Variants in DACH2 observed in about 807,000 individuals in gnomAD.
DACH2 encodes the protein dachshund family transcription factor 2.
DACH2 carries 17 observed loss-of-function variants against 35.8 expected under a neutral mutation model. The observed-to-expected ratio is 0.48, with a 90% confidence interval of 0.33 to 0.71. The LOEUF (loss-of-function observed/expected upper bound fraction) is 0.71, where lower values mean the gene tolerates loss of function less well. DACH2 is among the 30% of genes least tolerant of loss of function. DACH2 has a pLI of 0.02. For synonymous variants in DACH2, 195 were observed against 177.3 expected, an observed-to-expected ratio of 1.10 and a Z score of -0.79; for missense variants, 469 against 472.7, an observed-to-expected ratio of 0.99 and a Z score of 0.07.
intron 11 of DACH2, among the ~76,000 whole-genome samples, chrX:86,817,898 CT>C (rs1437461803): frequency 2.8e-4 from 31 of 111,921 alleles, no homozygotes; most frequent in Non-Finnish European, 1.9e-4. Context: ...ATTGTGCATA[CT>C]TTTAATAAGT....
intron 7 of DACH2, among the ~76,000 whole-genome samples, chrX:86,760,513 A>G (rs946629053): frequency 9.0e-6 from 1 of 111,239 alleles, no homozygotes; most frequent in South Asian, 3.7e-4. Context: ...TGTGTTTTCT[A>G]TTTCATTCAA....
At chrX:86,648,603 T>C (rs1355137213) in intron 3 of DACH2, among the ~76,000 whole-genome samples, 4 of 110,825 alleles carry the variant, frequency 3.6e-5, no homozygotes, top group Non-Finnish European at 7.6e-5. Flanking sequence ...TCAGGTGCTG[T>C]ACTGAAGACT....
At chrX:86,576,508 C>T (rs2039437468) in intron 3 of DACH2, among the ~76,000 whole-genome samples, 1 of 111,435 alleles carries the variant, frequency 9.0e-6, no homozygotes, top group Admixed American at 9.7e-5. Flanking sequence ...AGTTTTACTG[C>T]AAACGATTAT....
intron 7 of DACH2, among the ~76,000 whole-genome samples, chrX:86,750,182 G>A (rs1183116253): frequency 1.8e-5 from 2 of 111,163 alleles, no homozygotes; most frequent in Non-Finnish European, 3.8e-5. Flanking sequence ...TATCTCAAGA[G>A]GAAAGCTTTC....
At chrX:86,335,164 T>A (rs1439606037) in intron 1 of DACH2, among the ~76,000 whole-genome samples, 2 of 111,964 alleles carry the variant, frequency 1.8e-5, no homozygotes, top group Non-Finnish European at 3.8e-5. Context: ...TACTGTAGCC[T>A]TGTAGTAAAG....
chrX:86,480,110 A>G (rs1206525900), intron 2 of DACH2, among the ~76,000 whole-genome samples: 2 of 111,802 alleles, frequency 1.8e-5, no homozygotes, highest in East Asian at 2.8e-4. Flanking sequence ...GTTTGTACCC[A>G]TCGTTTCAGG....
rs193151123 is a variant in DACH2, at chrX:86,492,815, T to C, written c.528-21464T>C. Among the ~76,000 whole-genome samples the C allele has an allele frequency of 1.1e-3, 118 of 112,191 alleles. 1 individual carries two copies. Among genetic ancestry groups the C allele is most frequent in the African/African-American group, 3.6e-3 (112 of 30,944 alleles). On this transcript the variant is annotated intron_variant, in intron 2 of 11. Coordinates refer to ENST00000373125, the MANE Select transcript of DACH2 (RefSeq NM_053281.3). ...TTTTTTATGGCTGCATAGTATTTCA[T>C]GGTGTATATGTACCACATTTTCTTT...
chrX:86,197,593 A>T (rs2032026711), intron 1 of DACH2, among the ~76,000 whole-genome samples: 1 of 111,550 alleles, frequency 9.0e-6, no homozygotes, highest in African/African-American at 3.3e-5. Flanking sequence ...GAAAACAGAA[A>T]AAAAAAGCAG....
chrX:86,409,413 T>C (rs2036575594), intron 2 of DACH2, among the ~76,000 whole-genome samples: 1 of 111,483 alleles, frequency 9.0e-6, no homozygotes, highest in African/African-American at 3.3e-5. Flanking sequence ...AGGTGGGGCC[T>C]GGTAGGAAGT....
intron 3 of DACH2, among the ~76,000 whole-genome samples, chrX:86,556,328 A>C (rs1044691619): frequency 1.8e-5 from 2 of 110,337 alleles, no homozygotes; most frequent in African/African-American, 6.6e-5. Context: ...ATCTCATTTA[A>C]CTCCCGTAAG....
At chrX:86,697,053 G>T (rs2041075588) in intron 5 of DACH2, among the ~76,000 whole-genome samples, 1 of 111,437 alleles carries the variant, frequency 9.0e-6, no homozygotes, top group Non-Finnish European at 1.9e-5. Context: ...GAAAAGAACA[G>T]TACAATTCCA....
At chrX:86,213,108 A>T (rs377083442) in intron 1 of DACH2, among the ~76,000 whole-genome samples, 14 of 111,356 alleles carry the variant, frequency 1.3e-4, no homozygotes, top group East Asian at 5.6e-4. Context: ...AAACGGCATA[A>T]ATTCCCTTTA....
At chrX:86,667,258 A>T (rs1178140585) in intron 4 of DACH2, among the ~76,000 whole-genome samples, 1 of 91,562 alleles carries the variant, frequency 1.1e-5, no homozygotes, top group Non-Finnish European at 2.1e-5. Flanking sequence ...AAAAAAAAAG[A>T]AAGAGAGAGA....
chrX:86,285,296 T>C (rs972518727), intron 1 of DACH2, among the ~76,000 whole-genome samples: 20 of 112,133 alleles, frequency 1.8e-4, no homozygotes, highest in African/African-American at 5.5e-4. Flanking sequence ...TACTTCATTT[T>C]TGATGTATGC....
intron 1 of DACH2, among the ~76,000 whole-genome samples, chrX:86,364,780 G>C (rs2035783818): frequency 9.0e-6 from 1 of 110,900 alleles, no homozygotes; most frequent in Non-Finnish European, 1.9e-5. Flanking sequence ...GGATAGTAAC[G>C]GTTTTCTTTA....
intron 2 of DACH2, among the ~76,000 whole-genome samples, chrX:86,429,327 C>T (rs967584505): frequency 9.1e-6 from 1 of 110,430 alleles, no homozygotes; most frequent in Admixed American, 9.7e-5. Flanking sequence ...TGCATTTTAC[C>T]CCATACTTTT....
chrX:86,654,634 A>C (rs1272119238), intron 4 of DACH2, among the ~76,000 whole-genome samples: 2 of 111,270 alleles, frequency 1.8e-5, no homozygotes, highest in Non-Finnish European at 3.8e-5. Context: ...ATTAACACTA[A>C]ACAATAATAA....
chrX:86,654,300 G>A (rs1010837552), intron 4 of DACH2, among the ~76,000 whole-genome samples: 1 of 108,772 alleles, frequency 9.2e-6, no homozygotes, highest in South Asian at 4.0e-4. Context: ...TAAATTGGCA[G>A]CAGCTTTACA....
intron 7 of DACH2, among the ~76,000 whole-genome samples, chrX:86,767,972 A>T (rs1456858159): frequency 9.0e-6 from 1 of 111,365 alleles, no homozygotes; most frequent in Non-Finnish European, 1.9e-5. Context: ...TGTTTTTACT[A>T]AAAAAATGGT....
Sources: gnomAD v4.1 joint callset for allele counts (sites outside exome capture counted in the v4.1 genomes callset) on GRCh38, gnomAD v4.1.1 for gene constraint, MANE v1.5 for transcripts, NCBI Gene and HGNC (gene_info 2026-07-23, HGNC 2026-07-21) for gene names.